The following NKAIN2 variants were observed in gnomAD, a reference collection of about 807,000 sequenced individuals.
NKAIN2 encodes sodium/potassium-transporting ATPase subunit beta-1-interacting protein 2.
A neutral mutation model predicts 32.6 loss-of-function variants in NKAIN2; 14 were observed. That is an observed-to-expected ratio of 0.43 (90% CI 0.28 to 0.67). The LOEUF is 0.67. NKAIN2 is among the 30% of genes least tolerant of loss of function. The pLI is 0.17. For missense variants in NKAIN2, 198 were observed against 258.3 expected, an observed-to-expected ratio of 0.77 and a Z score of 1.60; for synonymous variants, 80 against 87.2, an observed-to-expected ratio of 0.92 and a Z score of 0.46.
chr6:124,290,585 T>A (rs1441257309), intron 2 of NKAIN2, among the ~76,000 whole-genome samples: 1 of 149,834 alleles, frequency 6.7e-6, no homozygotes, highest in Non-Finnish European at 1.5e-5. Flanking sequence ...TTTTTCAGCT[T>A]TAGACAGTGT....
intron 3 of NKAIN2, among the ~76,000 whole-genome samples, chr6:124,540,796 A>G (rs1307840381): frequency 6.6e-6 from 1 of 152,186 alleles, no homozygotes; most frequent in African/African-American, 2.4e-5. Context: ...ATTACATGAG[A>G]TATTCAACAC....
chr6:123,962,679 T>C lies in NKAIN2; in HGVS notation c.54+158425T>C, dbSNP rs979319645. Among the ~76,000 whole-genome samples, 6 of 152,134 alleles carry C rather than the reference T, an allele frequency of 3.9e-5. No individual in the cohort carries two copies. The East Asian group carries it at 1.2e-3, about 29-fold the overall frequency. ...AGGCAGCCTTCCAGTGCAGCATGACTCAGCGGATTTGCAGCACAGGTGCAC... is the reference window on the plus strand; with the variant it reads ...AGGCAGCCTTCCAGTGCAGCATGACCCAGCGGATTTGCAGCACAGGTGCAC... On this transcript the variant is annotated intron_variant, in intron 1 of 6. Transcript: ENST00000368417.
intron 3 of NKAIN2, among the ~76,000 whole-genome samples, chr6:124,452,780 A>G (rs1776160802): frequency 1.3e-5 from 2 of 152,168 alleles, no homozygotes; most frequent in African/African-American, 4.8e-5. Flanking sequence ...TGTTAGCCAT[A>G]TTAATGTTAA....
chr6:124,099,829 A>G (rs931751238), intron 1 of NKAIN2, among the ~76,000 whole-genome samples: 1 of 152,200 alleles, frequency 6.6e-6, no homozygotes, highest in Non-Finnish European at 1.5e-5. Context: ...AACCCAAAAT[A>G]TCAATAGTGC....
intron 3 of NKAIN2, among the ~76,000 whole-genome samples, chr6:124,580,383 TTC>T (rs1342012810): frequency 6.6e-6 from 1 of 152,238 alleles, no homozygotes; most frequent in Non-Finnish European, 1.5e-5. Flanking sequence ...TTTATTCATT[TTC>T]TTTTTTGTTC....
chr6:123,823,749 GCAT>G (rs1424128522), intron 1 of NKAIN2, among the ~76,000 whole-genome samples: 1 of 152,126 alleles, frequency 6.6e-6, no homozygotes, highest in African/African-American at 2.4e-5. Flanking sequence ...ATCAGGTAGT[GCAT>G]CATCAAGAGA....
intron 1 of NKAIN2, among the ~76,000 whole-genome samples, chr6:123,951,202 T>C (rs1777309991): frequency 6.6e-6 from 1 of 152,044 alleles, no homozygotes; most frequent in Admixed American, 6.6e-5. Context: ...GGAGAATGTC[T>C]TATGTGCTAA....
chr6:123,850,725 T>G (rs1031573490), intron 1 of NKAIN2, among the ~76,000 whole-genome samples: 2 of 152,212 alleles, frequency 1.3e-5, no homozygotes, highest in African/African-American at 2.4e-5. Flanking sequence ...CACGCTTATT[T>G]TTTTGTGGTG....
chr6:124,395,801 T>C (rs1430832322), intron 3 of NKAIN2, among the ~76,000 whole-genome samples: 1 of 152,152 alleles, frequency 6.6e-6, no homozygotes, highest in East Asian at 1.9e-4. Context: ...TTGCTGAAAT[T>C]GCTTTATAGG....
rs150241380 is a variant in NKAIN2 at position 124,011,380 on chromosome 6, C to T, written c.54+207126C>T. Among the ~76,000 whole-genome samples, 144 of 151,946 alleles carry T rather than the reference C, an allele frequency of 9.5e-4. 2 individuals are homozygous for T. In the East Asian group the frequency reaches 0.021, roughly 22 times the overall value. Reference sequence around the variant, plus strand: ...TGAACTATCATAAAGTGCATATTCCCAAGTCAGCAATTCCTGTTCTTTTTT... The same window carrying T: ...TGAACTATCATAAAGTGCATATTCCTAAGTCAGCAATTCCTGTTCTTTTTT... On this transcript the variant is annotated intron_variant, in intron 1 of 6. Transcript: ENST00000368417.
At chr6:124,355,685 C>T (rs17051700) in intron 3 of NKAIN2, among the ~76,000 whole-genome samples, 2,560 of 152,110 alleles carry the variant, frequency 0.017, 74 homozygotes, top group East Asian at 0.11. Flanking sequence ...ACTTAGTTTG[C>T]TTATAACTCT....
At chr6:124,730,906 G>A (rs1459924593) in intron 4 of NKAIN2, among the ~76,000 whole-genome samples, 1 of 127,962 alleles carries the variant, frequency 7.8e-6, no homozygotes. Context: ...CGAAGGACAT[G>A]AACAGACACT....
At chr6:123,922,501 G>A (rs1426396770) in intron 1 of NKAIN2, among the ~76,000 whole-genome samples, 2 of 152,064 alleles carry the variant, frequency 1.3e-5, no homozygotes, top group African/African-American at 4.8e-5. Flanking sequence ...AATATTGTAA[G>A]TTTCTTATAA....
chr6:123,853,995 A>T (rs1459807697), intron 1 of NKAIN2, among the ~76,000 whole-genome samples: 8 of 151,270 alleles, frequency 5.3e-5, no homozygotes. Flanking sequence ...CTGGTCTTGA[A>T]CTCCTGACCT....
chr6:124,560,612 A>C (rs1269909884), intron 3 of NKAIN2, among the ~76,000 whole-genome samples: 1 of 152,212 alleles, frequency 6.6e-6, no homozygotes, highest in Admixed American at 6.5e-5. Flanking sequence ...GAATACAACG[A>C]TGAGGCTACC....
chr6:123,893,970 A>G (rs542595333), intron 1 of NKAIN2, among the ~76,000 whole-genome samples: 1 of 152,214 alleles, frequency 6.6e-6, no homozygotes, highest in Non-Finnish European at 1.5e-5. Flanking sequence ...AGAAGAATTT[A>G]GGTTCATTTA....
intron 3 of NKAIN2, among the ~76,000 whole-genome samples, chr6:124,638,920 G>T (rs954179816): frequency 1.6e-4 from 20 of 122,608 alleles, no homozygotes; most frequent in Middle Eastern, 4.9e-3. Context: ...GATAAGCAAA[G>T]AATCTGAATA....
At chr6:124,623,519 GACC>G (rs1252728471) in intron 3 of NKAIN2, among the ~76,000 whole-genome samples, 2 of 151,578 alleles carry the variant, frequency 1.3e-5, no homozygotes, top group African/African-American at 4.8e-5. Flanking sequence ...AGGGAAAGAT[GACC>G]ATTTGTAATA....
At chr6:124,340,816 G>A (rs139913242) in intron 2 of NKAIN2, among the ~76,000 whole-genome samples, 13 of 152,220 alleles carry the variant, frequency 8.5e-5, no homozygotes, top group Middle Eastern at 3.4e-3. Flanking sequence ...TCAGTGGCAT[G>A]CTCCCAGCCT....
Sources: gnomAD v4.1 joint callset for allele counts (sites outside exome capture counted in the v4.1 genomes callset) on GRCh38, gnomAD v4.1.1 for gene constraint, MANE v1.5 for transcripts, NCBI Gene and HGNC (gene_info 2026-07-23, HGNC 2026-07-21) for gene names.